Variants in SGSM1 observed in about 807,000 individuals in gnomAD.
The protein encoded by SGSM1 is small G protein signaling modulator 1, also known as RUN and TBC1 domain containing 2.
In SGSM1, 73 loss-of-function variants were observed where a neutral mutation model predicts 133.8. The observed-to-expected ratio is 0.55, with a 90% CI of 0.45 to 0.66. SGSM1 has a LOEUF of 0.66. Ranked by LOEUF, SGSM1 falls within the 30% of genes least tolerant of loss-of-function variation. SGSM1 has a pLI of 0.00. For missense variants in SGSM1, 1,213 were observed against 1,448.1 expected (o/e 0.84, Z 2.64); for synonymous variants, 563 against 573.0 (o/e 0.98, Z 0.25).
rs1934117280 is a variant in SGSM1 at position 24,924,321 on chromosome 22, T to C, written c.*47T>C. The C allele has an allele frequency of 6.4e-7, 1 of 1,553,028 alleles. No homozygotes were observed. The highest frequency in any genetic ancestry group is 1.7e-5 in the Admixed American group (1 of 59,316). On this transcript the variant is annotated 3_prime_UTR_variant, in exon 25 of 25. Coordinates refer to ENST00000400358, the MANE Select transcript of SGSM1 (RefSeq NM_001098497.3). ...CTCAGCCAAGCTGCCCCTGCCCCGC[T>C]CCTCTGCTTACTTTTCCTCCTGGCT...
intron 24 of SGSM1, 145 bp downstream of exon 24, chr22:24,920,138 C>G (rs1221744969): frequency 1.1e-6 from 1 of 887,390 alleles, no homozygotes; most frequent in East Asian, 2.7e-5. Flanking sequence ...TGGCTATTTC[C>G]AAAAGGACGA....
chr22:24,827,965 A>G (rs569521529), intron 2 of SGSM1, among the ~76,000 whole-genome samples: 7 of 151,978 alleles, frequency 4.6e-5, no homozygotes, highest in Non-Finnish European at 1.0e-4. Flanking sequence ...GACCCCTTAG[A>G]GTGGATGCTG....
intron 2 of SGSM1, among the ~76,000 whole-genome samples, chr22:24,816,417 C>CT (rs3062145): frequency 0.14 from 18,486 of 129,774 alleles, 2,064 homozygotes; most frequent in Admixed American, 0.32. Context: ...TTTTTTCTTT[C>CT]TTTTTTTTTT....
intron 10 of SGSM1, among the ~76,000 whole-genome samples, chr22:24,868,170 C>T (rs1002702829): frequency 2.0e-5 from 3 of 152,092 alleles, no homozygotes; most frequent in Admixed American, 1.3e-4. Flanking sequence ...CCTGTAGTCC[C>T]GTCAGAGGTG....
chr22:24,814,294 CAA>C (rs949756625), intron 2 of SGSM1: 5 of 66,110 alleles, frequency 7.6e-5, no homozygotes, highest in Non-Finnish European at 1.3e-4. Flanking sequence ...CAAAACAAAA[CAA>C]AAACTAGCAT....
rs1436684171 is a variant in SGSM1 at position 24,925,680 on chromosome 22, T to A, written c.*1406T>A. On this transcript the variant is annotated 3_prime_UTR_variant, in exon 25 of 25. Transcript: ENST00000400358. ...TGTGTGTTTGGTGAAAGCCACTTAA[T>A]GGTGGTGGGGTGCAGCTTTTCTCTA... is the stretch of plus-strand genomic sequence containing the variant. 6.6e-6 allele frequency: 1 copy of A among 152,160 alleles called. No homozygotes were observed. The highest frequency in any genetic ancestry group is 1.5e-5 in the Non-Finnish European group (1 of 68,064). 9.4% of individuals were successfully genotyped at this position (152,160 alleles called of 1,614,324 possible).
chr22:24,855,740 A>G (rs1371778363), intron 8 of SGSM1, 60 bp downstream of exon 8: 1 of 1,612,880 alleles, frequency 6.2e-7, no homozygotes, highest in South Asian at 1.1e-5. Context: ...GTTATAGAGG[A>G]AAAGGTCTCT....
chr22:24,868,609 T>C, intron 11 of SGSM1, 70 bp downstream of exon 11: 4 of 1,611,088 alleles, frequency 2.5e-6, no homozygotes, highest in Non-Finnish European at 3.4e-6. Context: ...TTTTTGCCTG[T>C]GTGCCCTTAT....
rs75335912 is a variant in SGSM1 at position 24,893,794 on chromosome 22, C to T, written c.1953+181C>T. On this transcript the variant is annotated intron_variant, in intron 17 of 24. Coordinates refer to ENST00000400358, the MANE Select transcript of SGSM1 (RefSeq NM_001098497.3). ...CAGACCTGAATTCAAACTCTAGTCC[C>T]ACCATTTAGTAGTTCTGGGGTTCCC... 8.1e-3 allele frequency among the ~76,000 whole-genome samples: 1,230 copies of T among 152,236 alleles called. 10 individuals are homozygous for T. The highest frequency in any genetic ancestry group is 0.028 in the African/African-American group (1,146 of 41,524).
chr22:24,837,884 A>G (rs1476449013), intron 2 of SGSM1, among the ~76,000 whole-genome samples: 1 of 152,232 alleles, frequency 6.6e-6, no homozygotes, highest in Non-Finnish European at 1.5e-5. Flanking sequence ...CAAACTAATG[A>G]TTAATGATAT....
chr22:24,914,796 C>A (rs1933764512), intron 22 of SGSM1, among the ~76,000 whole-genome samples: 1 of 152,084 alleles, frequency 6.6e-6, no homozygotes, highest in Admixed American at 6.6e-5. Context: ...GAAGTACAGT[C>A]TTTTGTGTTA....
intron 2 of SGSM1, among the ~76,000 whole-genome samples, chr22:24,839,429 C>A (rs1407718189): frequency 6.6e-6 from 1 of 152,176 alleles, no homozygotes; most frequent in Non-Finnish European, 1.5e-5. Context: ...TTCTTGCATG[C>A]ATATTTATCA....
intron 13 of SGSM1, 132 bp downstream of exon 13, chr22:24,876,847 C>T: frequency 8.3e-7 from 1 of 1,209,954 alleles, no homozygotes; most frequent in African/African-American, 1.5e-5. Context: ...AGGTTAAATC[C>T]TGGCCATGAA....
At chr22:24,827,588 C>T (rs1928871439) in intron 2 of SGSM1, among the ~76,000 whole-genome samples, 1 of 152,034 alleles carries the variant, frequency 6.6e-6, no homozygotes, top group Admixed American at 6.5e-5. Flanking sequence ...GCCGGCCGTT[C>T]ACCTGATGCC....
chr22:24,826,842 A>T (rs988414251), intron 2 of SGSM1, among the ~76,000 whole-genome samples: 4 of 151,976 alleles, frequency 2.6e-5, no homozygotes, highest in Non-Finnish European at 5.9e-5. Context: ...AGTGCTGTGT[A>T]TGTTTTGCTC....
intron 12 of SGSM1, chr22:24,874,301 G>A: frequency 1.8e-6 from 2 of 1,086,986 alleles, no homozygotes; most frequent in Non-Finnish European, 2.6e-6. Flanking sequence ...GAGCTGTGTG[G>A]AGCCGGGAAG....
chr22:24,890,018 G>A (rs1378524515), intron 16 of SGSM1, among the ~76,000 whole-genome samples: 29 of 145,802 alleles, frequency 2.0e-4, no homozygotes, highest in African/African-American at 7.2e-4. Context: ...GTGCAGTGGC[G>A]CGATCTCGGC....
At chr22:24,900,393 T>TTCTCTCTTTCTCTCTTTCTCTCTTTCTC (rs1403588800) in intron 19 of SGSM1, among the ~76,000 whole-genome samples, 14 of 69,388 alleles carry the variant, frequency 2.0e-4, no homozygotes, top group African/African-American at 5.9e-4. Context: ...CTTTCTTTCT[T>TTCTCTCTTTCTCTCTTTCTCTCTTTCTC]TCTTTCTTTC....
At chr22:24,818,242 A>ATG (rs1471387586) in intron 2 of SGSM1, among the ~76,000 whole-genome samples, 2 of 149,714 alleles carry the variant, frequency 1.3e-5, no homozygotes, top group African/African-American at 4.9e-5. Flanking sequence ...AAAAAAAAAA[A>ATG]AAATAAAATA....
Sources: allele counts gnomAD v4.1 joint callset (sites outside exome capture counted in the v4.1 genomes callset), GRCh38; gene constraint gnomAD v4.1.1; transcripts MANE v1.5; gene names NCBI Gene and HGNC (gene_info 2026-07-23, HGNC 2026-07-21).